Variants in FOLH1 observed in about 807,000 individuals in gnomAD.
FOLH1 encodes the protein folate hydrolase 1.
A neutral mutation model predicts 93.9 loss-of-function variants in FOLH1; 54 were observed. The observed-to-expected ratio is 0.57, with a 90% CI of 0.46 to 0.72. The LOEUF (loss-of-function observed/expected upper bound fraction) is 0.72. Among genes scored for constraint, FOLH1 ranks in the 30% least tolerant of loss-of-function variants. FOLH1 has a pLI of 0.00. For missense variants in FOLH1, 571 were observed against 892.5 expected, an observed-to-expected ratio of 0.64 and a Z score of 4.59; for synonymous variants, 249 against 303.6, an observed-to-expected ratio of 0.82 and a Z score of 1.87.
At chr11:49,201,829 G>T (rs1408998222) in intron 2 of FOLH1, among the ~76,000 whole-genome samples, 1 of 152,192 alleles carries the variant, frequency 6.6e-6, no homozygotes, top group African/African-American at 2.4e-5. Context: ...TAAGCAAAAG[G>T]AATTACTATG....
chr11:49,181,668 G>A (rs959265050), intron 7 of FOLH1, among the ~76,000 whole-genome samples: 22 of 152,134 alleles, frequency 1.4e-4, no homozygotes, highest in African/African-American at 5.3e-4. Context: ...TCTTTTAAAT[G>A]TCATGAATAC....
chr11:49,192,940 G>A (rs749082249), intron 3 of FOLH1, 46 bp from the exon 4 acceptor site: 5 of 1,488,664 alleles, frequency 3.4e-6, no homozygotes, highest in African/African-American at 1.4e-5. Flanking sequence ...GTTAAAGTTT[G>A]ATTACTGTAA....
intron 7 of FOLH1, among the ~76,000 whole-genome samples, chr11:49,181,259 C>T (rs549517750): frequency 1.3e-5 from 2 of 152,014 alleles, no homozygotes; most frequent in African/African-American, 4.8e-5. Flanking sequence ...AGGCATGCAC[C>T]AGCATGCCCA....
At chr11:49,206,992 A>G (rs1864047931) in intron 1 of FOLH1, 1 of 568,324 alleles carries the variant, frequency 1.8e-6, no homozygotes, top group African/African-American at 1.9e-5. Flanking sequence ...ATTATTAATT[A>G]TTCTAGTTCT....
chr11:49,169,083 A>T (rs1326296183), intron 12 of FOLH1, 112 bp downstream of exon 12: 2 of 1,224,988 alleles, frequency 1.6e-6, no homozygotes, highest in Non-Finnish European at 1.2e-6. Flanking sequence ...GTTGCAGTAG[A>T]TTCCCTAACC....
intron 1 of FOLH1, among the ~76,000 whole-genome samples, chr11:49,207,175 T>A (rs1185936538): frequency 6.8e-6 from 1 of 146,166 alleles, no homozygotes; most frequent in Admixed American, 6.9e-5. Flanking sequence ...ATCTGAAAAA[T>A]GAACAGGATG....
chr11:49,173,317 CAGAT>C (rs778469214), intron 10 of FOLH1, 36 bp downstream of exon 10: 4 of 1,590,248 alleles, frequency 2.5e-6, no homozygotes, highest in East Asian at 2.2e-5. Context: ...AACTGAGACT[CAGAT>C]AGGCTGTTTT....
chr11:49,186,419 T>C (rs1330839733), intron 5 of FOLH1, among the ~76,000 whole-genome samples: 1 of 151,908 alleles, frequency 6.6e-6, no homozygotes, highest in Admixed American at 6.6e-5. Flanking sequence ...CACAGAAAAA[T>C]TTGTTCTGTT....
intron 3 of FOLH1, among the ~76,000 whole-genome samples, chr11:49,198,729 A>T (rs911715641): frequency 6.6e-6 from 1 of 150,698 alleles, no homozygotes; most frequent in Non-Finnish European, 1.5e-5. Flanking sequence ...GTGTAGTGGT[A>T]TTGCCTTTTC....
chr11:49,186,509 G>T, intron 5 of FOLH1, 135 bp downstream of exon 5: 1 of 1,054,360 alleles, frequency 9.5e-7, no homozygotes, highest in Non-Finnish European at 1.3e-6. Context: ...TGTCCTCTCT[G>T]TAAGGTGGGC....
chr11:49,197,432 T>C (rs182920849), intron 3 of FOLH1, among the ~76,000 whole-genome samples: 124 of 152,328 alleles, frequency 8.1e-4, no homozygotes, highest in Non-Finnish European at 1.4e-3. Flanking sequence ...TGAGTATAAC[T>C]AAAACAATAT....
chr11:49,162,207 C>G (rs551241925), intron 13 of FOLH1, among the ~76,000 whole-genome samples: 2 of 152,150 alleles, frequency 1.3e-5, no homozygotes, highest in African/African-American at 4.8e-5. Flanking sequence ...TGGATTATAT[C>G]CTGGAATATG....
chr11:49,208,358 G>A lies in FOLH1; in HGVS notation c.52C>T (p.Pro18Ser). ...TDSAVATARR[P>S]RWLCAGALVL... is the part of the protein sequence containing the mutation. ...AGCGCCCCAGCGCACAGCCAGCGCGGGCGGCGCGCGGTGGCCACAGCCGAG... is the reference window on the plus strand; with the variant it reads ...AGCGCCCCAGCGCACAGCCAGCGCGAGCGGCGCGCGGTGGCCACAGCCGAG... The change falls in exon 1 of 19, where the codon CCG (proline) becomes TCG (serine). Residue 18 changes from proline (P) to serine (S), a missense_variant. Transcript: ENST00000256999. 1 of 1,602,426 alleles carries A rather than the reference G, an allele frequency of 6.2e-7. No homozygotes were observed. Among genetic ancestry groups the A allele is most frequent in the Non-Finnish European group, 8.5e-7 (1 of 1,173,616 alleles).
chr11:49,185,473 A>C (rs780824601), intron 6 of FOLH1, 196 bp downstream of exon 6: 78 of 660,154 alleles, frequency 1.2e-4, no homozygotes, highest in Non-Finnish European at 1.8e-4. Flanking sequence ...TGAATTTGAA[A>C]GCCCACCAGG....
intron 9 of FOLH1, among the ~76,000 whole-genome samples, chr11:49,173,958 T>G (rs1277269746): frequency 2.0e-5 from 3 of 152,180 alleles, no homozygotes; most frequent in African/African-American, 7.2e-5. Flanking sequence ...ATGCAGTTTT[T>G]AAAGTACAGC....
At chr11:49,176,987 C>T (rs1860128677) in intron 7 of FOLH1, among the ~76,000 whole-genome samples, 1 of 152,228 alleles carries the variant, frequency 6.6e-6, no homozygotes, top group Admixed American at 6.5e-5. Flanking sequence ...TCATGCACTC[C>T]AGGCTGTGCG....
intron 3 of FOLH1, among the ~76,000 whole-genome samples, chr11:49,197,934 T>A (rs1465693303): frequency 6.6e-6 from 1 of 152,126 alleles, no homozygotes; most frequent in Non-Finnish European, 1.5e-5. Context: ...AGGAAAATTA[T>A]GTGGTTATGT....
intron 3 of FOLH1, among the ~76,000 whole-genome samples, chr11:49,194,268 C>T (rs940234213): frequency 6.6e-6 from 1 of 150,618 alleles, no homozygotes; most frequent in Non-Finnish European, 1.5e-5. Context: ...CATAACCCTA[C>T]AAATTTCCAT....
chr11:49,169,146 C>T, intron 12 of FOLH1, 49 bp downstream of exon 12: 1 of 1,583,874 alleles, frequency 6.3e-7, no homozygotes, highest in Non-Finnish European at 8.7e-7. Flanking sequence ...AACTAGACTG[C>T]TGCTCCTAGT....
Sources: gnomAD v4.1 joint callset for allele counts (sites outside exome capture counted in the v4.1 genomes callset) on GRCh38, gnomAD v4.1.1 for gene constraint, MANE v1.5 for transcripts, NCBI Gene and HGNC (gene_info 2026-07-23, HGNC 2026-07-21) for gene names.